The following TNFSF4 variants were observed in gnomAD, a reference collection of about 807,000 sequenced individuals.
The protein encoded by TNFSF4 is TNF superfamily member 4.
A neutral mutation model predicts 7.3 loss-of-function variants in TNFSF4; 4 were observed. The ratio of observed to expected loss-of-function variants is 0.55; its 90% CI spans 0.27 to 1.25. The LOEUF is 1.25. TNFSF4 is among the 50% of genes most tolerant of loss of function. The pLI is 0.12. For synonymous variants in TNFSF4, 76 were observed against 83.7 expected, an observed-to-expected ratio of 0.91 and a Z score of 0.50; for missense variants, 181 against 208.8, an observed-to-expected ratio of 0.87 and a Z score of 0.82.
chr1:173,205,888 A>G (rs1327183354), intron 1 of TNFSF4, among the ~76,000 whole-genome samples: 1 of 152,230 alleles, frequency 6.6e-6, no homozygotes, highest in African/African-American at 2.4e-5. Flanking sequence ...AGACCTGAGC[A>G]TGACACTAGC....
chr1:173,326,228 A>T, the TNFSF4 span, among the ~76,000 whole-genome samples: 2 of 152,230 alleles, frequency 1.3e-5, no homozygotes, highest in Non-Finnish European at 2.9e-5. Context: ...AAATCAATAA[A>T]CATAATCCAG....
chr1:173,388,503 G>A, the TNFSF4 span, among the ~76,000 whole-genome samples: 4 of 152,300 alleles, frequency 2.6e-5, no homozygotes, highest in South Asian at 2.1e-4. Flanking sequence ...TCCATAATAA[G>A]GCTAAGATGC....
chr1:173,177,225 A>C, the TNFSF4 span, among the ~76,000 whole-genome samples: 4 of 152,204 alleles, frequency 2.6e-5, no homozygotes, highest in Admixed American at 1.3e-4. Flanking sequence ...AAAGAAAGAA[A>C]ATGTGGTATA....
chr1:173,437,195 T>G, the TNFSF4 span, among the ~76,000 whole-genome samples: 1 of 152,184 alleles, frequency 6.6e-6, no homozygotes, highest in East Asian at 1.9e-4. Context: ...CCTATGTCGC[T>G]TCCCTCTGCT....
the TNFSF4 span, among the ~76,000 whole-genome samples, chr1:173,341,541 A>T: frequency 6.6e-6 from 1 of 152,172 alleles, no homozygotes; most frequent in Admixed American, 6.5e-5. Flanking sequence ...CTGGATGTGG[A>T]ATCAGGAGAC....
chr1:173,448,654 A>G, the TNFSF4 span, among the ~76,000 whole-genome samples: 6 of 152,306 alleles, frequency 3.9e-5, no homozygotes, highest in South Asian at 1.0e-3. Context: ...TTGAGCCAGG[A>G]TGAGCCAGGA....
the TNFSF4 span, among the ~76,000 whole-genome samples, chr1:173,314,895 G>A: frequency 6.6e-6 from 1 of 152,084 alleles, no homozygotes; most frequent in East Asian, 1.9e-4. Context: ...TGGGTATAAT[G>A]TTTGGCCATA....
chr1:173,370,818 C>T, the TNFSF4 span, among the ~76,000 whole-genome samples: 12 of 152,268 alleles, frequency 7.9e-5, no homozygotes, highest in African/African-American at 2.2e-4. Context: ...TCATGGCCCT[C>T]AGACAAACAA....
chr1:173,191,244 G>A (rs972663209), intron 1 of TNFSF4, among the ~76,000 whole-genome samples: 1 of 152,138 alleles, frequency 6.6e-6, no homozygotes, highest in African/African-American at 2.4e-5. Flanking sequence ...GACTTCCTCC[G>A]TGTTGGAGTC....
chr1:173,384,484 A>C, the TNFSF4 span, among the ~76,000 whole-genome samples: 1 of 152,096 alleles, frequency 6.6e-6, no homozygotes, highest in Admixed American at 6.6e-5. Context: ...CAAAAAACAC[A>C]TTTATTTTAT....
the TNFSF4 span, among the ~76,000 whole-genome samples, chr1:173,282,562 G>A: frequency 1.3e-5 from 2 of 151,716 alleles, no homozygotes; most frequent in Admixed American, 6.6e-5. Flanking sequence ...AGGTTCAAGT[G>A]ATTCTCCTGC....
intron 1 of TNFSF4, chr1:173,205,207 C>A: frequency 7.5e-7 from 1 of 1,340,630 alleles, no homozygotes; most frequent in Non-Finnish European, 1.0e-6. Context: ...TCAGAGTAGA[C>A]AGGGCATGTT....
the TNFSF4 span, among the ~76,000 whole-genome samples, chr1:173,387,793 T>G: frequency 6.6e-6 from 1 of 152,196 alleles, no homozygotes; most frequent in Admixed American, 6.5e-5. Context: ...TTAACTTTAT[T>G]CATATATCAA....
the TNFSF4 span, among the ~76,000 whole-genome samples, chr1:173,271,416 T>A: frequency 2.6e-5 from 4 of 152,272 alleles, no homozygotes; most frequent in South Asian, 8.3e-4. Flanking sequence ...CCTTTCCCCA[T>A]TTCTTGTTTT....
At chr1:173,396,802 T>G in the TNFSF4 span, among the ~76,000 whole-genome samples, 1 of 152,212 alleles carries the variant, frequency 6.6e-6, no homozygotes, top group Non-Finnish European at 1.5e-5. Flanking sequence ...GCCTGCTCAT[T>G]CACACTGGGA....
the TNFSF4 span, among the ~76,000 whole-genome samples, chr1:173,287,567 T>C: frequency 1.3e-5 from 2 of 152,206 alleles, no homozygotes; most frequent in African/African-American, 2.4e-5. Flanking sequence ...ATTATACTAC[T>C]GGGCATTTAT....
the TNFSF4 span, among the ~76,000 whole-genome samples, chr1:173,230,140 G>C: frequency 6.6e-6 from 1 of 152,104 alleles, no homozygotes; most frequent in Non-Finnish European, 1.5e-5. Context: ...ATTCTTCTCA[G>C]CACCACACCA....
chr1:173,343,655 A>G, the TNFSF4 span, among the ~76,000 whole-genome samples: 3 of 152,102 alleles, frequency 2.0e-5, no homozygotes, highest in Non-Finnish European at 4.4e-5. Flanking sequence ...CCTTTTTCAT[A>G]CTCTCATGGC....
the TNFSF4 span, among the ~76,000 whole-genome samples, chr1:173,308,105 T>A: frequency 6.6e-6 from 1 of 151,974 alleles, no homozygotes; most frequent in Non-Finnish European, 1.5e-5. Flanking sequence ...TTATTCTAAA[T>A]ACAATCCCTT....
Sources: allele counts gnomAD v4.1 joint callset (sites outside exome capture counted in the v4.1 genomes callset), GRCh38; gene constraint gnomAD v4.1.1; transcripts MANE v1.5; gene names NCBI Gene and HGNC (gene_info 2026-07-23, HGNC 2026-07-21).